VPS35L: variants seen among roughly 807,000 people sequenced by gnomAD.
VPS35L encodes the protein VPS35 endosomal protein-sorting factor-like.
VPS35L carries 83 observed loss-of-function variants against 133.0 expected under a neutral mutation model. That is an observed-to-expected ratio of 0.62 (90% CI 0.52 to 0.75). The LOEUF (loss-of-function observed/expected upper bound fraction) is 0.75, where lower values mean the gene tolerates loss of function less well. Ranked by LOEUF, VPS35L falls within the 30% of genes least tolerant of loss-of-function variation. The pLI is 0.00. For synonymous variants in VPS35L, 423 were observed against 449.9 expected (o/e 0.94, Z 0.76); for missense variants, 1,083 against 1,206.8 (o/e 0.90, Z 1.52).
intron 1 of VPS35L, among the ~76,000 whole-genome samples, chr16:19,560,760 C>T (rs185614931): frequency 1.3e-5 from 2 of 151,706 alleles, no homozygotes; most frequent in East Asian, 1.9e-4. Flanking sequence ...CATGCCACTG[C>T]ACTCCATCCT....
intron 23 of VPS35L, among the ~76,000 whole-genome samples, chr16:19,645,382 C>T (rs1047935028): frequency 3.0e-4 from 45 of 151,748 alleles, no homozygotes; most frequent in African/African-American, 1.1e-3. Flanking sequence ...CTCCGCCTCC[C>T]GGGTTCACGC....
intron 7 of VPS35L, among the ~76,000 whole-genome samples, chr16:19,589,330 G>A (rs1216956607): frequency 6.6e-6 from 1 of 152,062 alleles, no homozygotes; most frequent in Non-Finnish European, 1.5e-5. Context: ...TGCAACTTCT[G>A]CTTCCCTCGC....
intron 28 of VPS35L, among the ~76,000 whole-genome samples, chr16:19,690,262 G>C (rs546991134): frequency 6.6e-6 from 1 of 152,144 alleles, no homozygotes; most frequent in Non-Finnish European, 1.5e-5. Context: ...AGAGTGTGGT[G>C]TCTCTTTCGT....
At position 19,637,676 on chromosome 16, in the gene VPS35L, T is replaced by A; in HGVS notation, c.1698+20T>A. On this transcript the variant is annotated intron_variant, in intron 20 of 30. Coordinates refer to ENST00000417362, the MANE Select transcript of VPS35L (RefSeq NM_020314.7). ...TCAGTGGTAAGTAGGATTTCTTAATTATCTTTGGAAATTTGTACCTGGCTC... is the reference window on the plus strand; with the variant it reads ...TCAGTGGTAAGTAGGATTTCTTAATAATCTTTGGAAATTTGTACCTGGCTC... 6.5e-7 allele frequency: 1 copy of A among 1,533,032 alleles called. No individual in the cohort carries two copies. Among genetic ancestry groups the A allele is most frequent in the Non-Finnish European group, 8.9e-7 (1 of 1,122,916 alleles). The allele number at this position is 1,533,032 out of a possible 1,614,324, so 95.0% of individuals were successfully genotyped here.
chr16:19,603,315 G>A (rs1327540080), intron 9 of VPS35L, among the ~76,000 whole-genome samples: 5 of 152,122 alleles, frequency 3.3e-5, no homozygotes, highest in East Asian at 1.9e-4. Context: ...CACTGGCCAC[G>A]TGTTGCTCTT....
At chr16:19,641,287 G>A (rs553179788) in intron 21 of VPS35L, among the ~76,000 whole-genome samples, 58 of 151,656 alleles carry the variant, frequency 3.8e-4, no homozygotes, top group African/African-American at 1.4e-3. Context: ...GGCTGGTCTC[G>A]AGCTCCTGGC....
At chr16:19,560,008 G>A (rs1970977910) in intron 1 of VPS35L, among the ~76,000 whole-genome samples, 1 of 152,032 alleles carries the variant, frequency 6.6e-6, no homozygotes, top group Admixed American at 6.6e-5. Context: ...CGGCCCAGAA[G>A]CAGTATTTTT....
At chr16:19,658,458 G>C (rs888110857) in intron 26 of VPS35L, among the ~76,000 whole-genome samples, 2 of 152,086 alleles carry the variant, frequency 1.3e-5, no homozygotes, top group African/African-American at 4.8e-5. Flanking sequence ...TGAGCCTGGA[G>C]GGCAGAGGTT....
intron 8 of VPS35L, among the ~76,000 whole-genome samples, chr16:19,592,287 C>A (rs1379579329): frequency 2.0e-5 from 3 of 151,204 alleles, no homozygotes; most frequent in Non-Finnish European, 2.9e-5. Flanking sequence ...GCAGTGTTGC[C>A]CAGGCTGCTC....
chr16:19,618,324 C>T (rs763251687), intron 14 of VPS35L, among the ~76,000 whole-genome samples: 11 of 152,020 alleles, frequency 7.2e-5, no homozygotes, highest in East Asian at 1.9e-4. Flanking sequence ...GTAAGTTAGA[C>T]GAGTGCATAA....
intron 14 of VPS35L, among the ~76,000 whole-genome samples, chr16:19,622,937 G>A (rs1056527483): frequency 1.2e-4 from 18 of 152,124 alleles, no homozygotes; most frequent in Non-Finnish European, 2.2e-4. Flanking sequence ...GGAGGCTCTC[G>A]GGTGATCAGC....
intron 1 of VPS35L, among the ~76,000 whole-genome samples, chr16:19,558,363 G>A (rs1970925560): frequency 6.6e-6 from 1 of 152,214 alleles, no homozygotes; most frequent in Non-Finnish European, 1.5e-5. Flanking sequence ...GCCCCACAAG[G>A]GATAGCTGAG....
At chr16:19,692,351 T>C (rs1252773831) in intron 29 of VPS35L, among the ~76,000 whole-genome samples, 4 of 152,168 alleles carry the variant, frequency 2.6e-5, no homozygotes, top group African/African-American at 7.2e-5. Flanking sequence ...CTGGGCTCTT[T>C]CAGTGCCCAC....
At position 19,618,353 on chromosome 16, in the gene VPS35L, G is replaced by C. The variant is rs1167121152; in HGVS notation, c.1224+1545G>C. ...TGCATAAACATTATAAACACACACA[G>C]AGATGCACACACGGTTTGTTCACGG... On this transcript the variant is annotated intron_variant, in intron 14 of 30. Transcript: ENST00000417362. Among the ~76,000 whole-genome samples the C allele has an allele frequency of 2.6e-5, 4 of 152,244 alleles. No homozygotes were observed. In the East Asian group the frequency reaches 7.7e-4, roughly 29 times the overall value.
chr16:19,597,609 A>G (rs1376978397), intron 8 of VPS35L, among the ~76,000 whole-genome samples: 2 of 152,216 alleles, frequency 1.3e-5, no homozygotes, highest in Non-Finnish European at 2.9e-5. Context: ...CCAAACATTC[A>G]CACAGAGTAG....
At chr16:19,567,467 G>A (rs1437166654) in intron 2 of VPS35L, among the ~76,000 whole-genome samples, 11 of 152,170 alleles carry the variant, frequency 7.2e-5, no homozygotes, top group Admixed American at 7.2e-4. Context: ...AACTGAGTGT[G>A]GGGGAGAGAT....
chr16:19,570,863 ATATATATATATATATATATATATATATT>A (rs1971348297), intron 3 of VPS35L, among the ~76,000 whole-genome samples: 3 of 75,916 alleles, frequency 4.0e-5, no homozygotes, highest in African/African-American at 1.9e-4. Flanking sequence ...ATATATATAT[ATATATATATATATATATATATATATATT>A]TTTGAGATGA....
chr16:19,636,762 A>G (rs946879258), intron 19 of VPS35L, among the ~76,000 whole-genome samples: 2 of 152,186 alleles, frequency 1.3e-5, no homozygotes, highest in Non-Finnish European at 2.9e-5. Flanking sequence ...GGAGAGTTCT[A>G]TTTTATTTAG....
At chr16:19,593,176 G>A (rs1425104585) in intron 8 of VPS35L, among the ~76,000 whole-genome samples, 1 of 152,096 alleles carries the variant, frequency 6.6e-6, no homozygotes, top group Non-Finnish European at 1.5e-5. Flanking sequence ...GCAGTGGTTG[G>A]TTAGGCCAGA....
Sources: allele counts gnomAD v4.1 joint callset (sites outside exome capture counted in the v4.1 genomes callset), GRCh38; gene constraint gnomAD v4.1.1; transcripts MANE v1.5; gene names NCBI Gene and HGNC (gene_info 2026-07-23, HGNC 2026-07-21).